Variants in SIK3 observed in about 807,000 individuals in gnomAD.
SIK3 encodes the protein serine/threonine-protein kinase SIK3.
A neutral mutation model predicts 144.2 loss-of-function variants in SIK3; 28 were observed. That is an observed-to-expected ratio of 0.19 (90% CI 0.14 to 0.27). The LOEUF is 0.27. Ranked by LOEUF, SIK3 falls within the 10% of genes least tolerant of loss-of-function variation. The pLI is 1.00. For missense variants in SIK3, 1,319 were observed against 1,776.0 expected, an observed-to-expected ratio of 0.74 and a Z score of 4.62; for synonymous variants, 686 against 676.3, an observed-to-expected ratio of 1.01 and a Z score of -0.22.
chr11:116,935,639 T>C (rs1170865477), intron 3 of SIK3, among the ~76,000 whole-genome samples: 1 of 152,218 alleles, frequency 6.6e-6, no homozygotes. Context: ...ATGTTTCTCA[T>C]GCTACACCAA....
rs1333737796 is a variant in SIK3, at chr11:116,862,295, C to T, written c.2136G>A (p.Gly712=). 3.1e-6 allele frequency: 5 copies of T among 1,614,084 alleles called. No individual in the cohort carries two copies. Among genetic ancestry groups the T allele is most frequent in the Non-Finnish European group, 4.2e-6 (5 of 1,180,014 alleles). ...ECEQLQKMYG[G]QIDERTLEKT... ...TCTCCAGGGTTCTTTCATCAATCTG[C>T]CCCCCGTACATCTTCTGCAGCTGCT... Residue 712 remains glycine (G), a synonymous_variant, in exon 17 of 25, where the codon GGG becomes GGA. Transcript: ENST00000445177.
chr11:117,097,482 G>A (rs958599539), intron 1 of SIK3, among the ~76,000 whole-genome samples: 6 of 135,846 alleles, frequency 4.4e-5, no homozygotes, highest in South Asian at 2.2e-4. Flanking sequence ...CTGTGGACAA[G>A]CAAAGCAATT....
At chr11:116,852,579 G>A (rs1040627231) in intron 21 of SIK3, among the ~76,000 whole-genome samples, 3 of 152,214 alleles carry the variant, frequency 2.0e-5, no homozygotes, top group Non-Finnish European at 4.4e-5. Context: ...GACTCCATGG[G>A]TGTGGAGTGC....
chr11:116,917,774 A>G (rs759367614), intron 4 of SIK3, among the ~76,000 whole-genome samples: 1 of 148,064 alleles, frequency 6.8e-6, no homozygotes, highest in Non-Finnish European at 1.5e-5. Flanking sequence ...GAGAGAAAGA[A>G]CGAAAGAAAG....
chr11:116,927,458 C>A, intron 3 of SIK3, 78 bp from the exon 4 acceptor site: 1 of 1,421,828 alleles, frequency 7.0e-7, no homozygotes. Flanking sequence ...AGGAGGGCTA[C>A]AAGGGGCCCT....
intron 6 of SIK3, among the ~76,000 whole-genome samples, chr11:116,886,726 G>C (rs180934422): frequency 6.7e-6 from 1 of 149,132 alleles, no homozygotes; most frequent in African/African-American, 2.4e-5. Context: ...AGGGGAATAG[G>C]GTAAACTAGG....
chr11:117,043,331 A>G (rs886775121), intron 1 of SIK3, among the ~76,000 whole-genome samples: 5 of 152,176 alleles, frequency 3.3e-5, no homozygotes, highest in African/African-American at 9.7e-5. Flanking sequence ...AAACATATAT[A>G]TCATCTAAAC....
chr11:116,863,940 T>G (rs1009934999), intron 15 of SIK3, 122 bp from the exon 16 acceptor site: 1 of 1,016,642 alleles, frequency 9.8e-7, no homozygotes, highest in Non-Finnish European at 1.4e-6. Flanking sequence ...CTGCATATTA[T>G]GCCACTTTCA....
At chr11:116,892,878 C>T (rs1482708529) in intron 6 of SIK3, among the ~76,000 whole-genome samples, 1 of 152,122 alleles carries the variant, frequency 6.6e-6, no homozygotes, top group Admixed American at 6.5e-5. Flanking sequence ...TTATTCAGTG[C>T]TAAAAAGAAA....
intron 3 of SIK3, among the ~76,000 whole-genome samples, chr11:116,947,126 T>C (rs1215607949): frequency 7.1e-6 from 1 of 141,238 alleles, no homozygotes; most frequent in Non-Finnish European, 1.5e-5. Context: ...AATATATATA[T>C]AATATATAAA....
In SIK3 at chr11:116,845,038, CTCTT is replaced by C. The variant is rs1941841021; in HGVS notation, c.*601_*604del. 7.9e-5 allele frequency: 12 copies of C among 152,138 alleles called. No homozygotes were observed. The highest frequency in any genetic ancestry group is 7.9e-4 in the Admixed American group (12 of 15,262). The allele number at this position is 152,138 out of a possible 1,614,324, so 9.4% of individuals were successfully genotyped here. On this transcript the variant is annotated 3_prime_UTR_variant, in exon 25 of 25. Coordinates refer to ENST00000445177, the MANE Select transcript of SIK3 (RefSeq NM_001366686.3). ...CTCTGCGTTCCAGGCTTGGGGGTTT[CTCTT>C]TTTTTGTTCTTTTTGTTTTCTAAGT...
chr11:116,949,288 G>A (rs1447917584), intron 3 of SIK3, among the ~76,000 whole-genome samples: 1 of 152,202 alleles, frequency 6.6e-6, no homozygotes, highest in Non-Finnish European at 1.5e-5. Context: ...TCTGGAACAG[G>A]CAGCTTCGGT....
At chr11:116,928,018 G>A (rs1217811981) in intron 3 of SIK3, among the ~76,000 whole-genome samples, 1 of 152,278 alleles carries the variant, frequency 6.6e-6, no homozygotes, top group East Asian at 1.9e-4. Context: ...CTTACAAAAT[G>A]ATAATTTTTA....
In SIK3 at chr11:116,889,225, C is replaced by T. The variant is rs539481406; in HGVS notation, c.865+7028G>A. On this transcript the variant is annotated intron_variant, in intron 6 of 24. Transcript: ENST00000445177. ...AAGATGATAAAATATGTGCTATTACCTATTCTAAAATATAGTTATGTAGCT... is the reference window on the plus strand; with the variant it reads ...AAGATGATAAAATATGTGCTATTACTTATTCTAAAATATAGTTATGTAGCT... Among the ~76,000 whole-genome samples, 63 of 152,252 alleles carry T rather than the reference C, an allele frequency of 4.1e-4. 1 individual carries two copies. The highest frequency in any genetic ancestry group is 1.4e-3 in the African/African-American group (58 of 41,542).
intron 1 of SIK3, among the ~76,000 whole-genome samples, chr11:117,016,323 G>A (rs1013733741): frequency 1.0e-5 from 1 of 100,302 alleles, no homozygotes. Flanking sequence ...GAGACTCTGC[G>A]AAAAAAAAAG....
intron 1 of SIK3, among the ~76,000 whole-genome samples, chr11:116,959,309 C>G (rs1949256136): frequency 6.6e-6 from 1 of 151,932 alleles, no homozygotes; most frequent in Non-Finnish European, 1.5e-5. Flanking sequence ...AGAATGAGAC[C>G]CTGTCTCAAA....
intron 3 of SIK3, among the ~76,000 whole-genome samples, chr11:116,953,589 C>T (rs1051421657): frequency 6.6e-6 from 1 of 152,182 alleles, no homozygotes; most frequent in South Asian, 2.1e-4. Context: ...ACTGTGAACA[C>T]ATGGTAAATA....
intron 1 of SIK3, among the ~76,000 whole-genome samples, chr11:117,088,105 C>T (rs1463835172): frequency 2.6e-5 from 4 of 152,114 alleles, no homozygotes; most frequent in Admixed American, 2.6e-4. Flanking sequence ...GGCATGGTGG[C>T]ATGCACCTGT....
chr11:117,034,161 T>C (rs144288234), intron 1 of SIK3, among the ~76,000 whole-genome samples: 4 of 152,328 alleles, frequency 2.6e-5, no homozygotes, highest in Non-Finnish European at 5.9e-5. Flanking sequence ...CATAGCACTG[T>C]ATAAGTTATC....
Sources: allele counts gnomAD v4.1 joint callset (sites outside exome capture counted in the v4.1 genomes callset), GRCh38; gene constraint gnomAD v4.1.1; transcripts MANE v1.5; gene names NCBI Gene and HGNC (gene_info 2026-07-23, HGNC 2026-07-21).